SLC39A10: variants seen among roughly 807,000 people sequenced by gnomAD.
The protein encoded by SLC39A10 is solute carrier family 39 member 10.
Under a neutral mutation model 65.1 loss-of-function variants are expected in SLC39A10, and 13 were observed. The ratio of observed to expected loss-of-function variants is 0.20; its 90% CI spans 0.13 to 0.32. The LOEUF (loss-of-function observed/expected upper bound fraction) is 0.32. Ranked by LOEUF, SLC39A10 falls within the 10% of genes least tolerant of loss-of-function variation. The pLI is 1.00. For synonymous variants in SLC39A10, 321 were observed against 342.2 expected (o/e 0.94, Z 0.68); for missense variants, 831 against 1,018.4 (o/e 0.82, Z 2.50).
chr2:195,663,983 A>G (rs1350992176), intron 1 of SLC39A10, among the ~76,000 whole-genome samples: 3 of 152,108 alleles, frequency 2.0e-5, no homozygotes, highest in Non-Finnish European at 4.4e-5. Flanking sequence ...AAATAAAGTG[A>G]ATAATTGAAT....
In SLC39A10 at chr2:195,716,400, A is replaced by C. The variant is rs568671910; in HGVS notation, c.1697-237A>C. On this transcript the variant is annotated intron_variant, in intron 6 of 9. Coordinates refer to ENST00000359634, the MANE Select transcript of SLC39A10 (RefSeq NM_020342.3). Reference sequence around the variant, plus strand: ...CGGAGCATCTTTTAAATCTCCCCCCAAACCCAATTTCTTCTTTGTGTGTGT... The same window carrying C: ...CGGAGCATCTTTTAAATCTCCCCCCCAACCCAATTTCTTCTTTGTGTGTGT... Among the ~76,000 whole-genome samples the C allele has an allele frequency of 4.6e-5, 7 of 152,216 alleles. No homozygotes were observed. In the East Asian group the frequency reaches 1.3e-3, roughly 29 times the overall value.
At chr2:195,660,337 A>G (rs1689340119) in intron 1 of SLC39A10, among the ~76,000 whole-genome samples, 1 of 152,232 alleles carries the variant, frequency 6.6e-6, no homozygotes, top group Non-Finnish European at 1.5e-5. Flanking sequence ...AGAGAAATGT[A>G]GGGAATCAAA....
intron 8 of SLC39A10, among the ~76,000 whole-genome samples, chr2:195,718,744 G>A (rs1476731793): frequency 6.6e-6 from 1 of 152,124 alleles, no homozygotes; most frequent in African/African-American, 2.4e-5. Flanking sequence ...TGTCCTAGAT[G>A]TACCTAAGGC....
intron 7 of SLC39A10, 26 bp downstream of exon 7, chr2:195,717,031 A>G (rs368536227): frequency 8.1e-5 from 130 of 1,601,244 alleles, no homozygotes; most frequent in East Asian, 3.6e-4. Context: ...ACCACTGTCT[A>G]TGCTAATCTT....
Position 195,693,421 on chromosome 2 carries a change from A to G in SLC39A10, c.1216+9515A>G, listed in dbSNP as rs1303346836. Among the ~76,000 whole-genome samples, 3 of 152,102 alleles carry G rather than the reference A, an allele frequency of 2.0e-5. No homozygotes were observed. In the East Asian group the frequency reaches 5.8e-4, roughly 29 times the overall value. ...TTGGCACCAATTCTTTGAATGTCTG[A>G]TAGAATTCAGCTGTGAATCTGTCTG... On this transcript the variant is annotated intron_variant, in intron 3 of 9. Coordinates refer to ENST00000359634, the MANE Select transcript of SLC39A10 (RefSeq NM_020342.3).
chr2:195,677,741 T>C (rs1202530454), intron 1 of SLC39A10, among the ~76,000 whole-genome samples: 3 of 147,074 alleles, frequency 2.0e-5, no homozygotes, highest in African/African-American at 7.7e-5. Context: ...CATTTAGGCT[T>C]TTATCAGATT....
chr2:195,625,891 T>A (rs185593733), intron 2 of SLC39A10, among the ~76,000 whole-genome samples: 1 of 152,188 alleles, frequency 6.6e-6, no homozygotes, highest in Non-Finnish European at 1.5e-5. Flanking sequence ...ATCGAGCAAT[T>A]CTCCCACGTT....
intron 8 of SLC39A10, among the ~76,000 whole-genome samples, chr2:195,720,570 A>T (rs1691995511): frequency 6.6e-6 from 1 of 152,210 alleles, no homozygotes; most frequent in Admixed American, 6.5e-5. Context: ...GATTTGTAGT[A>T]TTTGCTCATT....
chr2:195,630,150 T>TG (rs1159967119), intron 2 of SLC39A10, among the ~76,000 whole-genome samples: 1,658 of 148,768 alleles, frequency 0.011, 31 homozygotes, highest in African/African-American at 0.038. Flanking sequence ...TTGGGTTTTT[T>TG]TTTTTTTTTT....
chr2:195,654,461 A>G (rs893195989), upstream of SLC39A10, among the ~76,000 whole-genome samples: 3 of 152,182 alleles, frequency 2.0e-5, no homozygotes, highest in African/African-American at 7.2e-5. Flanking sequence ...TGGATTTACT[A>G]TATCATGTCT....
intron 8 of SLC39A10, among the ~76,000 whole-genome samples, chr2:195,722,149 G>A (rs1474067081): frequency 2.6e-5 from 4 of 152,194 alleles, no homozygotes; most frequent in African/African-American, 9.7e-5. Context: ...GACCTCAGAT[G>A]TCTACCTGTT....
Position 195,733,537 on chromosome 2 carries a change from CT to C in SLC39A10, c.2338-1336del, listed in dbSNP as rs112874082. ...AATTAAGTATATAAACTTTTCTTTT[CT>C]TTTTTTTTTGAGACGGAGTTTTGCT... On this transcript the variant is annotated intron_variant, in intron 9 of 9. Coordinates refer to ENST00000359634, the MANE Select transcript of SLC39A10 (RefSeq NM_020342.3). Among the ~76,000 whole-genome samples the C allele has an allele frequency of 1.2e-3, 175 of 148,912 alleles. 2 individuals are homozygous for C. The highest frequency in any genetic ancestry group is 3.9e-3 in the African/African-American group (158 of 40,762).
chr2:195,621,808 T>C (rs1688354409), intron 2 of SLC39A10, among the ~76,000 whole-genome samples: 1 of 152,182 alleles, frequency 6.6e-6, no homozygotes, highest in Non-Finnish European at 1.5e-5. Context: ...TTACCTATGA[T>C]CATAATAAAT....
chr2:195,686,725 C>T (rs572705043), intron 3 of SLC39A10, among the ~76,000 whole-genome samples: 1 of 152,180 alleles, frequency 6.6e-6, no homozygotes, highest in African/African-American at 2.4e-5. Context: ...TGCCCAAGGT[C>T]ACACAAACTG....
chr2:195,704,038 A>G (rs1281151858), intron 3 of SLC39A10, among the ~76,000 whole-genome samples: 2 of 152,170 alleles, frequency 1.3e-5, no homozygotes, highest in Non-Finnish European at 2.9e-5. Context: ...AAAAATTTCT[A>G]ATAACTATGA....
chr2:195,617,223 T>G lies in SLC39A10; in HGVS notation c.-12+10990T>G, dbSNP rs566211064. 6.6e-5 allele frequency among the ~76,000 whole-genome samples: 10 copies of G among 152,280 alleles called. No individual in the cohort carries two copies. In the East Asian group the frequency reaches 1.9e-3, roughly 29 times the overall value. ...AAGGCATGGATCAAAAAAATTTTTT[T>G]GCATGCCCATTTGCTGTCCAAATAT... On this transcript the variant is annotated intron_variant, in intron 2 of 2. Coordinates refer to the SLC39A10 transcript ENST00000458054.
At chr2:195,722,405 A>G (rs888057821) in intron 8 of SLC39A10, among the ~76,000 whole-genome samples, 2 of 152,234 alleles carry the variant, frequency 1.3e-5, no homozygotes, top group East Asian at 3.8e-4. Flanking sequence ...CCTTGTATCT[A>G]TCAACAAGTT....
chr2:195,660,601 A>G (rs1290037366), intron 1 of SLC39A10, among the ~76,000 whole-genome samples: 1 of 152,178 alleles, frequency 6.6e-6, no homozygotes, highest in African/African-American at 2.4e-5. Context: ...TAGTGTTGCT[A>G]ATAAGATGGA....
chr2:195,633,895 C>T (rs969080495), intron 2 of SLC39A10, among the ~76,000 whole-genome samples: 3 of 152,160 alleles, frequency 2.0e-5, no homozygotes, highest in Non-Finnish European at 2.9e-5. Flanking sequence ...TATCAGTTCT[C>T]GCTTTAGGCC....
Sources: allele counts gnomAD v4.1 joint callset (sites outside exome capture counted in the v4.1 genomes callset), GRCh38; gene constraint gnomAD v4.1.1; transcripts MANE v1.5; gene names NCBI Gene and HGNC (gene_info 2026-07-23, HGNC 2026-07-21).